The following TMEM91 variants were observed in gnomAD, a reference collection of about 807,000 sequenced individuals.
TMEM91 encodes the protein dispanin subfamily C member 3.
TMEM91 carries 6 observed loss-of-function variants against 13.3 expected under a neutral mutation model. That is an observed-to-expected ratio of 0.45 (90% CI 0.25 to 0.89). The LOEUF (loss-of-function observed/expected upper bound fraction) is 0.89, where lower values mean the gene tolerates loss of function less well. TMEM91 is among the 40% of genes least tolerant of loss of function. The probability of loss-of-function intolerance (pLI) is 0.19; values close to 1 mark genes in which losing one functional copy is unlikely to be tolerated. For missense variants in TMEM91, 193 were observed against 228.7 expected (o/e 0.84, Z 1.01); for synonymous variants, 87 against 101.7 (o/e 0.86, Z 0.87).
upstream of TMEM91, among the ~76,000 whole-genome samples, chr19:41,372,342 T>C (rs73047220): frequency 8.3e-3 from 1,258 of 151,760 alleles, 9 homozygotes; most frequent in Non-Finnish European, 0.014. Flanking sequence ...TGAGACTTCC[T>C]TTAAAAAAAA....
At chr19:41,364,064 C>G (rs1468729509) in exon 1 of TMEM91, 2 of 168,896 alleles carry the variant, frequency 1.2e-5, no homozygotes, top group East Asian at 1.7e-4. Flanking sequence ...CTGGCTCGCG[C>G]CTCTCCCAGG....
At chr19:41,379,596 A>C (rs2038823726) in intron 2 of TMEM91, among the ~76,000 whole-genome samples, 1 of 150,644 alleles carries the variant, frequency 6.6e-6, no homozygotes, top group Admixed American at 6.7e-5. Context: ...GGAGGAAGGA[A>C]AGAAAGAAAA....
intron 3 of TMEM91, chr19:41,383,353 T>A: frequency 1.8e-6 from 1 of 546,578 alleles, no homozygotes; most frequent in Non-Finnish European, 2.8e-6. Flanking sequence ...GGTGCCCAGC[T>A]CTCTGCAAGA....
upstream of TMEM91, chr19:41,376,469 G>C (rs1010403633): frequency 6.6e-6 from 1 of 152,284 alleles, no homozygotes; most frequent in African/African-American, 2.4e-5. Flanking sequence ...ATTGCGCAAA[G>C]GGGAAGGGAG....
At chr19:41,367,360 C>T (rs1387571288) in intron 1 of TMEM91, among the ~76,000 whole-genome samples, 2 of 151,954 alleles carry the variant, frequency 1.3e-5, no homozygotes, top group Non-Finnish European at 2.9e-5. Flanking sequence ...GGGCTGGGCG[C>T]GGTGGCTCAC....
At chr19:41,382,452 C>T (rs1441505653) in intron 2 of TMEM91, among the ~76,000 whole-genome samples, 1 of 152,022 alleles carries the variant, frequency 6.6e-6, no homozygotes, top group Non-Finnish European at 1.5e-5. Flanking sequence ...GGTGAAACCC[C>T]ATCTCTACTA....
At chr19:41,369,761 T>A (rs1233875038) in intron 1 of TMEM91, among the ~76,000 whole-genome samples, 1 of 150,126 alleles carries the variant, frequency 6.7e-6, no homozygotes, top group Admixed American at 6.7e-5. Context: ...TGAGCCGAGA[T>A]TGCACCATTG....
chr19:41,382,730 AG>A (rs1156273331), intron 2 of TMEM91, 41 bp from the exon 3 acceptor site: 3 of 1,595,706 alleles, frequency 1.9e-6, no homozygotes, highest in Non-Finnish European at 2.6e-6. Context: ...GGGGCAGGAA[AG>A]GTGGATGGAG....
At chr19:41,373,314 C>T (rs934063502), upstream of TMEM91, among the ~76,000 whole-genome samples, 5 of 151,876 alleles carry the variant, frequency 3.3e-5, no homozygotes, top group Non-Finnish European at 5.9e-5. Flanking sequence ...ACAAGGCTAA[C>T]GGCAGCCAGA....
At chr19:41,364,191 G>A in intron 1 of TMEM91, 1 of 157,294 alleles carries the variant, frequency 6.4e-6, no homozygotes, top group South Asian at 1.6e-4. Context: ...TACTCGCTCT[G>A]CGCGCTACTA....
intron 1 of TMEM91, among the ~76,000 whole-genome samples, chr19:41,365,999 C>T (rs1450991610): frequency 1.3e-5 from 2 of 151,474 alleles, no homozygotes; most frequent in Admixed American, 1.3e-4. Flanking sequence ...GCATGAGCCA[C>T]CTCGCCTGGG....
rs914731360 is a variant in TMEM91 at position 41,382,873 on chromosome 19, G to A, written c.312G>A (p.Leu104=). Residue 104 remains leucine (L), a synonymous_variant, in exon 3 of 4, where the codon CTG becomes CTA. Coordinates refer to ENST00000392002, the MANE Select transcript of TMEM91 (RefSeq NM_001098821.2). ...TCGGCTTGGCTGTCTTCTCCATGCT[G>A]TGTTGTTTCTGGCCCGTTGGCATCG... ...DHLGLAVFSM[L]CCFWPVGIAA... is the part of the protein sequence containing the mutation. 5 of 1,614,088 alleles carry A rather than the reference G, an allele frequency of 3.1e-6. No homozygotes were observed. Among genetic ancestry groups the A allele is most frequent in the Non-Finnish European group, 4.2e-6 (5 of 1,180,046 alleles).
intron 1 of TMEM91, among the ~76,000 whole-genome samples, chr19:41,369,632 C>G (rs1255256117): frequency 1.3e-5 from 2 of 151,868 alleles, no homozygotes; most frequent in Non-Finnish European, 2.9e-5. Flanking sequence ...TGGTGAAACC[C>G]CATCCCTCCT....
chr19:41,375,824 T>TA (rs1479016333), upstream of TMEM91, among the ~76,000 whole-genome samples: 39 of 135,634 alleles, frequency 2.9e-4, no homozygotes, highest in African/African-American at 1.1e-3. Context: ...TAAAAAATAA[T>TA]AATAAAAAAA....
chr19:41,378,041 A>G (rs1265391946), intron 1 of TMEM91, among the ~76,000 whole-genome samples: 1 of 150,738 alleles, frequency 6.6e-6, no homozygotes, highest in Non-Finnish European at 1.5e-5. Flanking sequence ...GTCTCAAAAA[A>G]AAAAAAAAAA....
Position 41,384,077 on chromosome 19 carries a change from A to G in TMEM91, c.*204A>G, listed in dbSNP as rs2038960023. ...GAGATTAAACACCAGACACCCTTGC[A>G]GCCAAACCAGAGTCTGTTCGCGTGT... On this transcript the variant is annotated 3_prime_UTR_variant, in exon 4 of 4. Coordinates refer to ENST00000392002, the MANE Select transcript of TMEM91 (RefSeq NM_001098821.2). 9 of 947,598 alleles carry G rather than the reference A, an allele frequency of 9.5e-6. No individual in the cohort carries two copies. Among genetic ancestry groups the G allele is most frequent in the Admixed American group, 3.5e-5 (1 of 28,254 alleles). 58.7% of individuals were successfully genotyped at this position (947,598 alleles called of 1,614,324 possible). A position where few individuals can be genotyped will look rare whatever the true frequency, so the allele number is the denominator to read the frequency against.
upstream of TMEM91, chr19:41,364,006 T>C (rs865886800): frequency 4.8e-6 from 1 of 206,536 alleles, no homozygotes; most frequent in Non-Finnish European, 1.0e-5. Context: ...ACCGGGGTTG[T>C]AGTTCATGGG....
chr19:41,378,565 G>A (rs1258943598), intron 2 of TMEM91, 46 bp downstream of exon 2: 1 of 1,597,366 alleles, frequency 6.3e-7, no homozygotes, highest in South Asian at 1.1e-5. Context: ...GGGGGCTGGG[G>A]TGAGCCCCAC....
intron 1 of TMEM91, 114 bp from the exon 2 acceptor site, chr19:41,378,167 G>A: frequency 5.4e-6 from 4 of 746,050 alleles, no homozygotes. Flanking sequence ...TGTAAAATGG[G>A]TCTGAGGACC....
Sources: gnomAD v4.1 joint callset for allele counts (sites outside exome capture counted in the v4.1 genomes callset) on GRCh38, gnomAD v4.1.1 for gene constraint, MANE v1.5 for transcripts, NCBI Gene and HGNC (gene_info 2026-07-23, HGNC 2026-07-21) for gene names.